Variants in DISC1 observed in about 807,000 individuals in gnomAD.
DISC1 encodes the protein disrupted in schizophrenia 1 protein.
Under a neutral mutation model 84.5 loss-of-function variants are expected in DISC1, and 57 were observed. The observed-to-expected ratio is 0.67, with a 90% confidence interval of 0.55 to 0.84. DISC1 has a LOEUF of 0.84. Among genes scored for constraint, DISC1 ranks in the 40% least tolerant of loss-of-function variants. The probability of loss-of-function intolerance (pLI) is 0.00; values close to 1 mark genes in which losing one functional copy is unlikely to be tolerated. For missense variants in DISC1, 1,000 were observed against 1,057.8 expected (o/e 0.95, Z 0.76); for synonymous variants, 411 against 415.2 (o/e 0.99, Z 0.12).
chr1:231,723,825 T>G, intron 3 of DISC1: 8 of 985,410 alleles, frequency 8.1e-6, no homozygotes, highest in Non-Finnish European at 9.6e-6. Flanking sequence ...CTCTTTTTTG[T>G]TGGTTGTGGG....
intron 9 of DISC1, among the ~76,000 whole-genome samples, chr1:231,918,717 TC>T (rs2089807107): frequency 6.6e-6 from 1 of 152,184 alleles, no homozygotes; most frequent in Non-Finnish European, 1.5e-5. Flanking sequence ...TTTTAGTGAC[TC>T]TTTGCATGCT....
chr1:231,889,945 G>C (rs1045777652), intron 9 of DISC1, among the ~76,000 whole-genome samples: 4 of 152,128 alleles, frequency 2.6e-5, no homozygotes, highest in Admixed American at 6.5e-5. Flanking sequence ...CTATAATTTG[G>C]GTTGTGCTCA....
chr1:231,937,564 C>G (rs1023763986), intron 9 of DISC1, among the ~76,000 whole-genome samples: 1 of 152,190 alleles, frequency 6.6e-6, no homozygotes, highest in African/African-American at 2.4e-5. Flanking sequence ...ATTTGACTGA[C>G]AAGGTCCTGG....
At chr1:231,976,984 CA>C (rs1253951824) in intron 10 of DISC1, among the ~76,000 whole-genome samples, 3 of 152,114 alleles carry the variant, frequency 2.0e-5, no homozygotes, top group Admixed American at 6.5e-5. Flanking sequence ...CTATTATTAA[CA>C]AGAATATGTA....
chr1:231,805,474 C>T (rs1473802489), intron 8 of DISC1, among the ~76,000 whole-genome samples: 1 of 151,204 alleles, frequency 6.6e-6, no homozygotes, highest in East Asian at 1.9e-4. Context: ...TTCACACGGC[C>T]AGAGCAGGAG....
intron 1 of DISC1, among the ~76,000 whole-genome samples, chr1:231,634,085 T>C (rs1477407557): frequency 6.6e-6 from 1 of 152,290 alleles, no homozygotes; most frequent in African/African-American, 2.4e-5. Context: ...AGTTTCACCA[T>C]GTCGGCCAGG....
At chr1:231,817,810 A>G (rs2081173164) in intron 8 of DISC1, among the ~76,000 whole-genome samples, 1 of 152,142 alleles carries the variant, frequency 6.6e-6, no homozygotes, top group African/African-American at 2.4e-5. Flanking sequence ...TCTTGTAACT[A>G]CCTATGAGTC....
At chr1:231,963,456 T>C (rs1366948599) in intron 10 of DISC1, among the ~76,000 whole-genome samples, 1 of 152,152 alleles carries the variant, frequency 6.6e-6, no homozygotes, top group Non-Finnish European at 1.5e-5. Context: ...CTGGTCTCCT[T>C]GCCCTTGACA....
At chr1:231,816,859 T>C (rs2081042972) in intron 8 of DISC1, among the ~76,000 whole-genome samples, 1 of 152,106 alleles carries the variant, frequency 6.6e-6, no homozygotes, top group African/African-American at 2.4e-5. Context: ...TTGGTCATCC[T>C]CCTCCTCCTC....
chr1:232,026,056 C>T (rs1669438932), intron 11 of DISC1, among the ~76,000 whole-genome samples: 1 of 152,102 alleles, frequency 6.6e-6, no homozygotes, highest in African/African-American at 2.4e-5. Flanking sequence ...TACAGGTTAG[C>T]CCAGTTGCTC....
At chr1:231,752,761 G>T (rs920126814) in intron 4 of DISC1, among the ~76,000 whole-genome samples, 1 of 152,212 alleles carries the variant, frequency 6.6e-6, no homozygotes, top group Non-Finnish European at 1.5e-5. Context: ...GTGAGAGTCT[G>T]TAAAATATAA....
chr1:231,748,910 C>A (rs2074301078), intron 3 of DISC1, among the ~76,000 whole-genome samples: 1 of 152,188 alleles, frequency 6.6e-6, no homozygotes. Context: ...AGATTCCTGG[C>A]AGCTCTCCAA....
rs746572360 is a variant in DISC1, at chr1:231,866,571, T to C, written c.1981+48054T>C. ...TCCTGGACACAGAGAAGTCAGCAACTTGCCTGAGGACAGCCTGCAGGACAC... is the reference window on the plus strand; with the variant it reads ...TCCTGGACACAGAGAAGTCAGCAACCTGCCTGAGGACAGCCTGCAGGACAC... On this transcript the variant is annotated intron_variant, in intron 9 of 12. Coordinates refer to ENST00000439617, the MANE Select transcript of DISC1 (RefSeq NM_018662.3). 26 of 1,178,842 alleles carry C rather than the reference T, an allele frequency of 2.2e-5. No homozygotes were observed. In the East Asian group the frequency reaches 6.1e-4, roughly 27 times the overall value. The allele number at this position is 1,178,842 out of a possible 1,614,324, so 73.0% of individuals were successfully genotyped here. A position where few individuals can be genotyped will look rare whatever the true frequency, so the allele number is the denominator to read the frequency against.
At chr1:231,720,883 T>C (rs1463138229) in intron 3 of DISC1, 1 of 1,290,980 alleles carries the variant, frequency 7.7e-7, no homozygotes, top group South Asian at 1.2e-5. Context: ...TCATCTCACT[T>C]TGCATACCTA....
rs755640917 is a variant in DISC1, at chr1:231,954,046, C to T, written c.1982-4782C>T. 7.9e-5 allele frequency among the ~76,000 whole-genome samples: 12 copies of T among 152,172 alleles called. No individual in the cohort carries two copies. The highest frequency in any genetic ancestry group is 1.2e-4 in the Non-Finnish European group (8 of 68,040). ...TCCCACTTAACATTCTCCTACCTTC[C>T]GTGTTGACATTCTTCTACCTTCCAA... On this transcript the variant is annotated intron_variant, in intron 9 of 12. Coordinates refer to ENST00000439617, the MANE Select transcript of DISC1 (RefSeq NM_018662.3). This position sits in a 1 kb window ranked among gnomAD's most constrained non-coding sequence, Gnocchi z 4.8.
chr1:231,718,087 G>A (rs769667352), intron 3 of DISC1, among the ~76,000 whole-genome samples: 16 of 152,026 alleles, frequency 1.1e-4, no homozygotes, highest in Admixed American at 2.6e-4. Context: ...ACACCTTTTC[G>A]ATTTTATCTC....
intron 10 of DISC1, among the ~76,000 whole-genome samples, chr1:231,966,958 G>A (rs923567338): frequency 6.6e-6 from 1 of 152,158 alleles, no homozygotes; most frequent in African/African-American, 2.4e-5. Context: ...TACCTCCTTG[G>A]AGGCCCTTCT....
At chr1:231,999,291 C>A in intron 10 of DISC1, among the ~76,000 whole-genome samples, 1 of 152,182 alleles carries the variant, frequency 6.6e-6, no homozygotes, top group East Asian at 1.9e-4. Flanking sequence ...GGACAGAAAT[C>A]TGCCTTGGGA....
intron 9 of DISC1, chr1:231,854,841 G>C (rs113338852): frequency 0.028 from 9,166 of 326,714 alleles, 760 homozygotes; most frequent in African/African-American, 0.18. Context: ...CTCAGCCTCC[G>C]GAGTAGCTGG....
Sources: gnomAD v4.1 joint callset for allele counts (sites outside exome capture counted in the v4.1 genomes callset) on GRCh38, gnomAD v4.1.1 for gene constraint, Gnocchi (gnomAD v3.1) non-coding constraint, MANE v1.5 for transcripts, NCBI Gene and HGNC (gene_info 2026-07-23, HGNC 2026-07-21) for gene names.